Variants in RAB11FIP4 observed in about 807,000 individuals in gnomAD.
The protein encoded by RAB11FIP4 is rab11 family-interacting protein 4.
RAB11FIP4 carries 23 observed loss-of-function variants against 74.3 expected under a neutral mutation model. The observed-to-expected ratio is 0.31, with a 90% CI of 0.22 to 0.44. The LOEUF is 0.44. Ranked by LOEUF, RAB11FIP4 falls within the 20% of genes least tolerant of loss-of-function variation. The pLI, the probability that RAB11FIP4 is intolerant of heterozygous loss-of-function variation, is 1.00. For synonymous variants in RAB11FIP4, 360 were observed against 359.9 expected, an observed-to-expected ratio of 1.00 and a Z score of 0.00; for missense variants, 630 against 863.9, an observed-to-expected ratio of 0.73 and a Z score of 3.39.
intron 3 of RAB11FIP4, 26 bp from the exon 4 acceptor site, chr17:31,517,620 ACTTAT>A: frequency 6.4e-7 from 1 of 1,566,154 alleles, no homozygotes; most frequent in Non-Finnish European, 8.7e-7. Context: ...AGCTGGCCTC[ACTTAT>A]CTTGTCTCTG....
chr17:31,493,395 C>A (rs993618252), intron 3 of RAB11FIP4, among the ~76,000 whole-genome samples: 3 of 151,732 alleles, frequency 2.0e-5, no homozygotes, highest in African/African-American at 7.3e-5. Context: ...CTGTGGTCAC[C>A]CCCCACCCCC....
At chr17:31,442,686 G>A (rs1567657081) in intron 3 of RAB11FIP4, among the ~76,000 whole-genome samples, 1 of 152,254 alleles carries the variant, frequency 6.6e-6, no homozygotes, top group Non-Finnish European at 1.5e-5. Context: ...AAGGCTGGGC[G>A]CGGTGGCTCA....
intron 3 of RAB11FIP4, among the ~76,000 whole-genome samples, chr17:31,453,335 C>A (rs2071543336): frequency 8.5e-6 from 1 of 117,212 alleles, no homozygotes; most frequent in Non-Finnish European, 1.6e-5. Flanking sequence ...CAGCCTGTAC[C>A]ATAGAGAGAG....
At chr17:31,445,574 A>ATT (rs2071453151) in intron 3 of RAB11FIP4, among the ~76,000 whole-genome samples, 5 of 10,028 alleles carry the variant, frequency 5.0e-4, no homozygotes, top group Non-Finnish European at 6.4e-4. Context: ...ATATATATAT[A>ATT]TATATTTTTT....
intron 3 of RAB11FIP4, among the ~76,000 whole-genome samples, chr17:31,450,321 T>A (rs932175806): frequency 7.3e-6 from 1 of 137,792 alleles, no homozygotes; most frequent in Non-Finnish European, 1.5e-5. Flanking sequence ...CGCCACCGGC[T>A]TTATTATTAT....
intron 3 of RAB11FIP4, among the ~76,000 whole-genome samples, chr17:31,468,054 C>T (rs756355397): frequency 2.6e-5 from 4 of 152,158 alleles, no homozygotes; most frequent in Admixed American, 6.5e-5. Context: ...TGCGCTGGTC[C>T]ATTGTAGTTT....
intron 3 of RAB11FIP4, among the ~76,000 whole-genome samples, chr17:31,467,556 G>T (rs1167832975): frequency 1.3e-5 from 2 of 152,274 alleles, no homozygotes; most frequent in Middle Eastern, 3.4e-3. Flanking sequence ...CCAGGGACAT[G>T]ACAGAAGTCT....
At chr17:31,504,426 C>T (rs761824488) in intron 3 of RAB11FIP4, among the ~76,000 whole-genome samples, 2 of 151,988 alleles carry the variant, frequency 1.3e-5, no homozygotes, top group African/African-American at 2.4e-5. Context: ...CCACCACGCC[C>T]GGCTAATTTT....
chr17:31,521,425 A>G, intron 5 of RAB11FIP4, 65 bp downstream of exon 5: 3 of 1,434,510 alleles, frequency 2.1e-6, no homozygotes, highest in African/African-American at 2.9e-5. Context: ...AGCACATCCT[A>G]GGGGGTGGGG....
Position 31,404,309 on chromosome 17 carries a change from C to T in RAB11FIP4, c.159+12298C>T, listed in dbSNP as rs370273782. Reference sequence around the variant, plus strand: ...GGCCTTGGCCCCATCCTGCTCTCCGCCCCGTCCCCACTTCCACTTTTCTAC... The same window carrying T: ...GGCCTTGGCCCCATCCTGCTCTCCGTCCCGTCCCCACTTCCACTTTTCTAC... On this transcript the variant is annotated intron_variant, in intron 1 of 14. Coordinates refer to ENST00000621161, the MANE Select transcript of RAB11FIP4 (RefSeq NM_032932.6). 1.5e-3 allele frequency among the ~76,000 whole-genome samples: 232 copies of T among 152,334 alleles called. 1 individual carries two copies. Among genetic ancestry groups the T allele is most frequent in the South Asian group, 0.011 (54 of 4,828 alleles).
chr17:31,525,017 TC>T (rs1422522973), intron 9 of RAB11FIP4, 72 bp from the exon 10 acceptor site: 29 of 1,529,988 alleles, frequency 1.9e-5, no homozygotes, highest in Middle Eastern at 2.3e-4. Context: ...GGGCCCAGGG[TC>T]CCCCGTGCCA....
chr17:31,513,368 C>T (rs767417510), intron 3 of RAB11FIP4, among the ~76,000 whole-genome samples: 6 of 152,186 alleles, frequency 3.9e-5, no homozygotes, highest in Non-Finnish European at 8.8e-5. Flanking sequence ...TGCTTGACTC[C>T]GAGTTCTCCC....
In RAB11FIP4 at chr17:31,524,826, G is replaced by GA. The variant is rs2072733749; in HGVS notation, c.1134-263dup. The GA allele has an allele frequency of 1.1e-5, 6 of 549,626 alleles. No individual in the cohort carries two copies. In the South Asian group the frequency reaches 1.3e-4, roughly 12 times the overall value. 34.0% of individuals were successfully genotyped at this position (549,626 alleles called of 1,614,324 possible). On this transcript the variant is annotated intron_variant, in intron 9 of 14. Coordinates refer to ENST00000621161, the MANE Select transcript of RAB11FIP4 (RefSeq NM_032932.6). The stretch of plus-strand genomic sequence containing the variant: ...GGTTCCGGCCAGGTGTGGCTGCAGG[G>GA]ACTGGTGGGGGCGGTCCCTCCCTGT...
At chr17:31,432,217 G>T (rs178850) in intron 2 of RAB11FIP4, among the ~76,000 whole-genome samples, 5 of 151,840 alleles carry the variant, frequency 3.3e-5, no homozygotes, top group Non-Finnish European at 5.9e-5. Flanking sequence ...ACCAAACCCA[G>T]TGAGTCTCCT....
At chr17:31,520,546 C>T (rs578085716) in intron 4 of RAB11FIP4, among the ~76,000 whole-genome samples, 5 of 152,176 alleles carry the variant, frequency 3.3e-5, no homozygotes, top group Admixed American at 2.6e-4. Context: ...CTCCCTCTGT[C>T]GCCCAGGCTG....
At chr17:31,494,995 G>C (rs1158180751) in intron 3 of RAB11FIP4, among the ~76,000 whole-genome samples, 1 of 152,250 alleles carries the variant, frequency 6.6e-6, no homozygotes, top group Non-Finnish European at 1.5e-5. Flanking sequence ...GCCAAGGGGA[G>C]GATGGCCCTC....
At chr17:31,495,355 C>T (rs531226431) in intron 3 of RAB11FIP4, among the ~76,000 whole-genome samples, 64 of 148,808 alleles carry the variant, frequency 4.3e-4, no homozygotes, top group South Asian at 1.7e-3. Context: ...AGGACAGCCT[C>T]CACTTGACTG....
At chr17:31,437,946 G>A (rs1238001748) in intron 3 of RAB11FIP4, among the ~76,000 whole-genome samples, 1 of 152,174 alleles carries the variant, frequency 6.6e-6, no homozygotes, top group Middle Eastern at 3.2e-3. Context: ...TGCGTCCCCA[G>A]AGCCCTGCGA....
At chr17:31,417,989 G>C (rs2071164191) in intron 1 of RAB11FIP4, among the ~76,000 whole-genome samples, 1 of 152,190 alleles carries the variant, frequency 6.6e-6, no homozygotes, top group Admixed American at 6.5e-5. Context: ...TACTTGGGAG[G>C]CTGAGTTGGG....
Sources: gnomAD v4.1 joint callset for allele counts (sites outside exome capture counted in the v4.1 genomes callset) on GRCh38, gnomAD v4.1.1 for gene constraint, MANE v1.5 for transcripts, NCBI Gene and HGNC (gene_info 2026-07-23, HGNC 2026-07-21) for gene names.